Variants in SGCZ observed in about 807,000 individuals in gnomAD.
The protein encoded by SGCZ is zeta-sarcoglycan.
Under a neutral mutation model 41.3 loss-of-function variants are expected in SGCZ, and 40 were observed. The observed-to-expected ratio is 0.97, with a 90% CI of 0.75 to 1.26. The LOEUF (loss-of-function observed/expected upper bound fraction) is 1.26, where lower values mean the gene tolerates loss of function less well. Among genes scored for constraint, SGCZ ranks in the 50% most tolerant of loss-of-function variants. SGCZ has a pLI of 0.00. For missense variants in SGCZ, 552 were observed against 369.8 expected (o/e 1.49, Z -4.04); for synonymous variants, 206 against 137.5 (o/e 1.50, Z -3.49).
At chr8:14,486,006 T>A (rs1445133771) in intron 2 of SGCZ, among the ~76,000 whole-genome samples, 1 of 152,080 alleles carries the variant, frequency 6.6e-6, no homozygotes, top group East Asian at 1.9e-4. Context: ...CGCGCCCGGC[T>A]AATTTTTTGT....
intron 1 of SGCZ, among the ~76,000 whole-genome samples, chr8:15,176,531 G>C (rs1480199753): frequency 6.6e-6 from 1 of 152,072 alleles, no homozygotes; most frequent in Non-Finnish European, 1.5e-5. Flanking sequence ...TCAGCTTTAT[G>C]CTTAAAGAGC....
chr8:14,253,684 T>C, intron 3 of SGCZ, among the ~76,000 whole-genome samples: 1 of 152,094 alleles, frequency 6.6e-6, no homozygotes, highest in East Asian at 1.9e-4. Context: ...AAATCCCACA[T>C]GTAACTGAGC....
chr8:14,917,656 T>G (rs1312153267), intron 1 of SGCZ, among the ~76,000 whole-genome samples: 1 of 152,084 alleles, frequency 6.6e-6, no homozygotes, highest in African/African-American at 2.4e-5. Context: ...GATCACTTAC[T>G]TTACATCCTA....
At chr8:15,070,629 T>G (rs1018798325) in intron 1 of SGCZ, among the ~76,000 whole-genome samples, 6 of 152,288 alleles carry the variant, frequency 3.9e-5, no homozygotes, top group Non-Finnish European at 7.4e-5. Context: ...TATGAAAATT[T>G]ATTGCAAATG....
chr8:14,847,527 T>A (rs1803170899), intron 1 of SGCZ, among the ~76,000 whole-genome samples: 1 of 151,546 alleles, frequency 6.6e-6, no homozygotes, highest in Non-Finnish European at 1.5e-5. Context: ...AGGAAATACA[T>A]AAGATAATAT....
intron 1 of SGCZ, among the ~76,000 whole-genome samples, chr8:14,603,155 C>G (rs1014559404): frequency 5.9e-5 from 9 of 152,122 alleles, no homozygotes; most frequent in Admixed American, 3.3e-4. Context: ...ACATATAGGT[C>G]AACCTAAACC....
intron 1 of SGCZ, among the ~76,000 whole-genome samples, chr8:14,656,777 C>T (rs1807592441): frequency 6.6e-6 from 1 of 151,744 alleles, no homozygotes. Flanking sequence ...TAGAAAACAA[C>T]ATTTTTTCTA....
chr8:14,396,369 G>T (rs1379580341), intron 2 of SGCZ, among the ~76,000 whole-genome samples: 1 of 152,096 alleles, frequency 6.6e-6, no homozygotes, highest in African/African-American at 2.4e-5. Context: ...CTGAGGAAAA[G>T]GGAGTGATAA....
chr8:14,762,825 GAT>G (rs1799933267), intron 1 of SGCZ, among the ~76,000 whole-genome samples: 1 of 152,188 alleles, frequency 6.6e-6, no homozygotes, highest in African/African-American at 2.4e-5. Flanking sequence ...TTTGCAAAGA[GAT>G]ATCTCTGTCT....
chr8:14,133,708 T>C (rs2117063275), intron 5 of SGCZ, among the ~76,000 whole-genome samples: 1 of 152,322 alleles, frequency 6.6e-6, no homozygotes, highest in Non-Finnish European at 1.5e-5. Context: ...AACCTTTGAC[T>C]CTTTTTCTGA....
intron 5 of SGCZ, among the ~76,000 whole-genome samples, chr8:14,115,460 G>A (rs1052808312): frequency 2.6e-5 from 4 of 151,832 alleles, no homozygotes; most frequent in Non-Finnish European, 5.9e-5. Flanking sequence ...TTTTATTAAT[G>A]ATTAATGATG....
chr8:15,187,226 C>G (rs780586437), intron 1 of SGCZ, among the ~76,000 whole-genome samples: 1 of 152,106 alleles, frequency 6.6e-6, no homozygotes, highest in Non-Finnish European at 1.5e-5. Flanking sequence ...ATTCTCCCAA[C>G]ATTATATTCC....
intron 1 of SGCZ, among the ~76,000 whole-genome samples, chr8:15,090,996 T>C (rs1347729843): frequency 6.6e-6 from 1 of 152,230 alleles, no homozygotes; most frequent in Admixed American, 6.5e-5. Flanking sequence ...ATTAATTTTA[T>C]GGCATCTACT....
intron 1 of SGCZ, among the ~76,000 whole-genome samples, chr8:14,685,414 T>C (rs1399911121): frequency 1.3e-5 from 2 of 152,046 alleles, no homozygotes; most frequent in African/African-American, 4.8e-5. Context: ...ATGAAAATGG[T>C]TAATTTTTCT....
chr8:14,240,829 T>G (rs1798857863), intron 3 of SGCZ, among the ~76,000 whole-genome samples: 1 of 152,196 alleles, frequency 6.6e-6, no homozygotes, highest in African/African-American at 2.4e-5. Flanking sequence ...ATTTGAGGTT[T>G]AACACATGAC....
intron 5 of SGCZ, among the ~76,000 whole-genome samples, chr8:14,159,844 A>T (rs1349190342): frequency 6.6e-6 from 1 of 152,176 alleles, no homozygotes; most frequent in Non-Finnish European, 1.5e-5. Context: ...AAGAACAAGG[A>T]TGTAGAAGAT....
intron 1 of SGCZ, among the ~76,000 whole-genome samples, chr8:15,052,974 G>T (rs1804569943): frequency 6.6e-6 from 1 of 151,998 alleles, no homozygotes; most frequent in South Asian, 2.1e-4. Context: ...CACACTCAAG[G>T]CATAGTTCCT....
At chr8:14,680,963 GGAAAAAAA>G (rs1808424316) in intron 1 of SGCZ, among the ~76,000 whole-genome samples, 1 of 106,186 alleles carries the variant, frequency 9.4e-6, no homozygotes, top group Non-Finnish European at 1.8e-5. Flanking sequence ...AAAAAGAGTG[GGAAAAAAA>G]AAAAAAAAAA....
At chr8:14,102,643 AT>A in intron 6 of SGCZ, 144 bp from the exon 7 acceptor site, 9 of 738,202 alleles carry the variant, frequency 1.2e-5, no homozygotes, top group Non-Finnish European at 1.7e-5. Flanking sequence ...AAGTCCTACC[AT>A]TTTAGGCAAA....
Sources: gnomAD v4.1 joint callset for allele counts (sites outside exome capture counted in the v4.1 genomes callset) on GRCh38, gnomAD v4.1.1 for gene constraint, MANE v1.5 for transcripts, NCBI Gene and HGNC (gene_info 2026-07-23, HGNC 2026-07-21) for gene names.